The following ZNF880 variants were observed in gnomAD, a reference collection of about 807,000 sequenced individuals.
The protein encoded by ZNF880 is zinc finger protein LOC400713.
Under a neutral mutation model 11.8 loss-of-function variants are expected in ZNF880, and 12 were observed. That is an observed-to-expected ratio of 1.02 (90% CI 0.65 to 1.65). The LOEUF is 1.65. ZNF880 is among the 40% of genes most tolerant of loss of function. The pLI is 0.00. For synonymous variants in ZNF880, 210 were observed against 232.4 expected (o/e 0.90, Z 0.88); for missense variants, 601 against 673.9 (o/e 0.89, Z 1.20).
At chr19:52,388,512 G>C (rs893105096), downstream of ZNF880, among the ~76,000 whole-genome samples, 3 of 151,392 alleles carry the variant, frequency 2.0e-5, no homozygotes, top group African/African-American at 7.3e-5. Context: ...TCTTGACCTC[G>C]TGATCCACCC....
Position 52,384,161 on chromosome 19 carries a change from G to C in ZNF880, c.581G>C (p.Arg194Thr). ...CECNEHGKAF[R>T]VSSRLANNQV... ...TGTAATGAGCATGGCAAAGCCTTTAGAGTGTCTTCAAGACTTGCTAACAAT... is the reference window on the plus strand; with the variant it reads ...TGTAATGAGCATGGCAAAGCCTTTACAGTGTCTTCAAGACTTGCTAACAAT... The change falls in exon 4 of 4, where the codon AGA (arginine) becomes ACA (threonine). Residue 194 changes from arginine to threonine, a missense_variant. By Grantham distance (71) the Arg-to-Thr change is moderately conservative. Coordinates refer to ENST00000422689, the MANE Select transcript of ZNF880 (RefSeq NM_001145434.2). 6.2e-7 allele frequency: 1 copy of C among 1,608,262 alleles called. No homozygotes were observed. The highest frequency in any genetic ancestry group is 8.5e-7 in the Non-Finnish European group (1 of 1,176,990).
intron 3 of ZNF880, among the ~76,000 whole-genome samples, chr19:52,376,407 A>T (rs1417319237): frequency 6.7e-6 from 1 of 150,346 alleles, no homozygotes; most frequent in African/African-American, 2.4e-5. Context: ...CATTTCTCTG[A>T]TAATTAGTGA....
downstream of ZNF880, among the ~76,000 whole-genome samples, chr19:52,386,916 G>C (rs987469635): frequency 2.1e-5 from 3 of 142,932 alleles, no homozygotes; most frequent in Admixed American, 6.9e-5. Context: ...ACATTTAACT[G>C]TTGGCATAAT....
chr19:52,391,611 G>A, the ZNF880 span: 4 of 152,146 alleles, frequency 2.6e-5, no homozygotes, highest in African/African-American at 9.7e-5. Flanking sequence ...GATGAATGAT[G>A]AATTGATTGG....
the ZNF880 span, among the ~76,000 whole-genome samples, chr19:52,394,035 T>C: frequency 1.3e-5 from 2 of 151,688 alleles, no homozygotes; most frequent in African/African-American, 4.8e-5. Flanking sequence ...GAGATGGGGT[T>C]TCACCGTGTT....
chr19:52,394,458 C>A, the ZNF880 span, among the ~76,000 whole-genome samples: 2 of 151,084 alleles, frequency 1.3e-5, no homozygotes, highest in African/African-American at 4.9e-5. Context: ...TGGTCTCAAA[C>A]TCCTGAGCTT....
chr19:52,373,669 A>ATTTTTTTTTTT (rs35788651), intron 2 of ZNF880, among the ~76,000 whole-genome samples: 2 of 102,578 alleles, frequency 1.9e-5, no homozygotes, highest in Non-Finnish European at 3.8e-5. Flanking sequence ...AAATACTGTA[A>ATTTTTTTTTTT]TTTTTTTTTT....
At position 52,379,452 on chromosome 19, in the gene ZNF880, A is replaced by C. The variant is rs149775024; in HGVS notation, c.269-4397A>C. ...GCTCTGTCACCCAGGCTGGAGTGCA[A>C]TGCCGCGATCTCGGCTCACTGCAAC... On this transcript the variant is annotated intron_variant, in intron 3 of 3. Coordinates refer to ENST00000422689, the MANE Select transcript of ZNF880 (RefSeq NM_001145434.2). 2,448 of 442,434 alleles carry C rather than the reference A, an allele frequency of 5.5e-3. 36 individuals are homozygous for C. Among genetic ancestry groups the C allele is most frequent in the African/African-American group, 0.045 (2,180 of 48,654 alleles). The allele number at this position is 442,434 out of a possible 1,614,324, so 27.4% of individuals were successfully genotyped here. A position where few individuals can be genotyped will look rare whatever the true frequency, so the allele number is the denominator to read the frequency against.
downstream of ZNF880, among the ~76,000 whole-genome samples, chr19:52,388,139 A>G (rs1348261994): frequency 2.6e-5 from 4 of 151,410 alleles, 1 homozygote; most frequent in African/African-American, 9.7e-5. Flanking sequence ...CGGACTCCCA[A>G]AGTGCGGGGA....
In ZNF880 at chr19:52,384,619, A is replaced by G. The variant is rs1437095380; in HGVS notation, c.1039A>G (p.Thr347Ala). The change falls in exon 4 of 4, where the codon ACT (threonine) becomes GCT (alanine). Residue 347 changes from threonine to alanine, a missense_variant. Thr to Ala is a moderately conservative substitution (Grantham distance 58). Transcript: ENST00000422689. ...SGLTAHLVIH[T>A]GEKLYKCNKC... The stretch of plus-strand genomic sequence containing the variant: ...CCTTACTGCTCATCTTGTAATTCAC[A>G]CTGGAGAGAAACTTTACAAATGTAA... 2.5e-6 allele frequency: 4 copies of G among 1,611,860 alleles called. No individual in the cohort carries two copies. Among genetic ancestry groups the G allele is most frequent in the Non-Finnish European group, 3.4e-6 (4 of 1,178,778 alleles).
chr19:52,369,813 G>A, upstream of ZNF880: 1 of 852,744 alleles, frequency 1.2e-6, no homozygotes, highest in Non-Finnish European at 1.9e-6. Context: ...AGTCTCCACG[G>A]CAGGTCTAGC....
chr19:52,385,492 CTCTT>C lies in ZNF880; in HGVS notation c.*179_*182del. ...TCATAGCAATGTATGTGAATCAGGT[CTCTT>C]GAGGCCTGCCAAATGACTAGATATC... On this transcript the variant is annotated 3_prime_UTR_variant, in exon 4 of 4. Coordinates refer to ENST00000422689, the MANE Select transcript of ZNF880 (RefSeq NM_001145434.2). The C allele has an allele frequency of 1.4e-6, 1 of 703,870 alleles. No homozygotes were observed. The highest frequency in any genetic ancestry group is 2.1e-5 in the South Asian group (1 of 47,862). 43.6% of individuals were successfully genotyped at this position (703,870 alleles called of 1,614,324 possible).
chr19:52,380,866 A>G (rs890906689), intron 3 of ZNF880, among the ~76,000 whole-genome samples: 4 of 151,444 alleles, frequency 2.6e-5, no homozygotes, highest in Non-Finnish European at 2.9e-5. Context: ...TTTTGTGGAG[A>G]CAGGGTCTTG....
At chr19:52,379,607 C>T in intron 3 of ZNF880, 1 of 326,542 alleles carries the variant, frequency 3.1e-6, no homozygotes, top group South Asian at 2.4e-5. Flanking sequence ...GCTGCCCAGG[C>T]TAGATGGCAG....
downstream of ZNF880, among the ~76,000 whole-genome samples, chr19:52,387,700 C>T (rs1440730075): frequency 4.2e-5 from 6 of 143,232 alleles, 1 homozygote; most frequent in South Asian, 2.2e-4. Context: ...CTGCCTGCCT[C>T]GGCCTCCCAA....
In ZNF880 at chr19:52,384,405, A is replaced by T; in HGVS notation, c.825A>T (p.Lys275Asn). The change falls in exon 4 of 4, where the codon AAA (lysine) becomes AAT (asparagine). Residue 275 changes from lysine to asparagine, a missense_variant. By Grantham distance (94) the Lys-to-Asn change is moderately conservative. Around this residue, in one of 3 missense-constraint regions of ZNF880, gnomAD observed 420 missense variants for 442.6 expected, o/e 0.95. Transcript: ENST00000422689. ...CTTACAAATGTCATGAGTGTGGCAA[A>T]GTCTTCACTCAAAATTCTCACCTTG... ...EKPYKCHECG[K>N]VFTQNSHLAN... 6.7e-7 allele frequency: 1 copy of T among 1,494,594 alleles called. No homozygotes were observed. Among genetic ancestry groups the T allele is most frequent in the Non-Finnish European group, 9.0e-7 (1 of 1,107,788 alleles). 92.6% of individuals were successfully genotyped at this position (1,494,594 alleles called of 1,614,324 possible). A position where few individuals can be genotyped will look rare whatever the true frequency, so the allele number is the denominator to read the frequency against.
Position 52,369,961 on chromosome 19 carries a change from C to A in ZNF880, c.-5C>A, listed in dbSNP as rs369052443. The A allele has an allele frequency of 1.3e-6, 2 of 1,551,524 alleles. No homozygotes were observed. The highest frequency in any genetic ancestry group is 2.0e-5 in the Admixed American group (1 of 50,960). ...CCCGGAAGCAGATTACGTGGAGTGA[C>A]GGTCATGCTGCGGCGTGTGAGTTTC... On this transcript the variant is annotated 5_prime_UTR_variant, in exon 1 of 4. Transcript: ENST00000422689.
At chr19:52,370,481 A>T (rs1294254868) in intron 1 of ZNF880, 2 of 157,976 alleles carry the variant, frequency 1.3e-5, no homozygotes, top group Non-Finnish European at 2.8e-5. Flanking sequence ...GTAATGGCAA[A>T]CCGCGATCAC....
chr19:52,369,524 T>G (rs944141387), upstream of ZNF880, among the ~76,000 whole-genome samples: 4 of 152,076 alleles, frequency 2.6e-5, no homozygotes, highest in Non-Finnish European at 5.9e-5. Flanking sequence ...TAATTATTTA[T>G]TTCCAATTTG....
Sources: gnomAD v4.1 joint callset for allele counts (sites outside exome capture counted in the v4.1 genomes callset) on GRCh38, gnomAD v4.1.1 for gene constraint, gnomAD v4.1.1 regional missense constraint, MANE v1.5 for transcripts, NCBI Gene and HGNC (gene_info 2026-07-23, HGNC 2026-07-21) for gene names.